The following RDH13 variants were observed in gnomAD, a reference collection of about 807,000 sequenced individuals.
RDH13 encodes the protein retinol dehydrogenase 13 (all-trans and 9-cis).
In RDH13, 35 loss-of-function variants were observed where a neutral mutation model predicts 28.3. The ratio of observed to expected loss-of-function variants is 1.24; its 90% CI spans 0.95 to 1.64. RDH13 has a LOEUF of 1.64. Among genes scored for constraint, RDH13 ranks in the 40% most tolerant of loss-of-function variants. RDH13 has a pLI of 0.00. For synonymous variants in RDH13, 229 were observed against 198.5 expected, an observed-to-expected ratio of 1.15 and a Z score of -1.29; for missense variants, 514 against 446.3, an observed-to-expected ratio of 1.15 and a Z score of -1.37.
chr19:55,051,833 A>AACGATCCTCC (rs2075449357), intron 3 of RDH13, among the ~76,000 whole-genome samples: 1 of 151,830 alleles, frequency 6.6e-6, no homozygotes, highest in African/African-American at 2.4e-5. Context: ...CCAGGGCTCA[A>AACGATCCTCC]ACGATCCTCC....
intron 1 of RDH13, among the ~76,000 whole-genome samples, chr19:55,061,173 G>C (rs938012067): frequency 2.0e-5 from 3 of 152,034 alleles, no homozygotes; most frequent in Non-Finnish European, 4.4e-5. Flanking sequence ...TGTCGCCCAG[G>C]CTGGAGTGCA....
chr19:55,051,311 G>A (rs1474484157), intron 3 of RDH13, among the ~76,000 whole-genome samples: 1 of 152,230 alleles, frequency 6.6e-6, no homozygotes, highest in Non-Finnish European at 1.5e-5. Context: ...CCCAGGGAAG[G>A]GGGATGCAGG....
intron 1 of RDH13, among the ~76,000 whole-genome samples, chr19:55,060,789 G>C (rs140826385): frequency 4.1e-4 from 62 of 152,242 alleles, no homozygotes; most frequent in African/African-American, 1.4e-3. Flanking sequence ...AGTCGAAATG[G>C]TGCCAGCCTG....
intron 5 of RDH13, chr19:55,048,043 C>CA: frequency 6.8e-7 from 1 of 1,460,520 alleles, no homozygotes; most frequent in Non-Finnish European, 9.1e-7. Flanking sequence ...GGTTGAGACT[C>CA]ACTGGCTGGA....
intron 3 of RDH13, among the ~76,000 whole-genome samples, chr19:55,051,659 ACCTCG>A (rs1256655623): frequency 3.4e-5 from 5 of 148,360 alleles, no homozygotes; most frequent in Non-Finnish European, 6.0e-5. Flanking sequence ...TGAATTCTTC[ACCTCG>A]TGATCCACCC....
Position 55,048,328 on chromosome 19 carries a change from C to T in RDH13, c.658+1G>A, listed in dbSNP as rs767276772. 3.1e-6 allele frequency: 5 copies of T among 1,613,970 alleles called. No individual in the cohort carries two copies. Among genetic ancestry groups the T allele is most frequent in the Non-Finnish European group, 3.4e-6 (4 of 1,180,036 alleles). On this transcript the variant is annotated splice_donor_variant, in intron 5 of 6. Transcript: ENST00000415061. LOFTEE classifies it high-confidence loss of function. ...GGAGGCCGAGCCTAGCGCCCCCGTA[C>T]CTTGCAGCCGCCGGCTCAGCTCCTT...
chr19:55,052,945 A>AGCCATCAC (rs143100180), intron 3 of RDH13, among the ~76,000 whole-genome samples: 1 of 151,116 alleles, frequency 6.6e-6, no homozygotes. Context: ...TACAGGCGTG[A>AGCCATCAC]GCCTGCACGC....
intron 3 of RDH13, among the ~76,000 whole-genome samples, chr19:55,049,942 CCTCTTCCCTTT>C (rs1355665524): frequency 2.2e-5 from 1 of 45,758 alleles, no homozygotes; most frequent in Non-Finnish European, 5.6e-5. Flanking sequence ...CTCTTCCCTT[CCTCTTCCCTTT>C]GGAGCTGTCT....
chr19:55,053,156 C>T (rs922670805), intron 3 of RDH13, among the ~76,000 whole-genome samples: 2 of 151,068 alleles, frequency 1.3e-5, no homozygotes, highest in Admixed American at 6.6e-5. Flanking sequence ...CTTCCCAAAA[C>T]TTCTGTCTCC....
At chr19:55,061,018 G>A (rs2147070470) in intron 1 of RDH13, among the ~76,000 whole-genome samples, 1 of 152,172 alleles carries the variant, frequency 6.6e-6, no homozygotes, top group East Asian at 1.9e-4. Flanking sequence ...GGAGGCTCTA[G>A]GGAAGAATCC....
intron 3 of RDH13, among the ~76,000 whole-genome samples, chr19:55,054,115 T>TGGCACA (rs887192170): frequency 6.6e-6 from 1 of 152,054 alleles, no homozygotes; most frequent in Admixed American, 6.6e-5. Context: ...GGGCTGTGAG[T>TGGCACA]GGCACAAGGA....
At position 55,045,250 on chromosome 19, in the gene RDH13, G is replaced by A. The variant is rs766143971; in HGVS notation, c.820C>T (p.Leu274=). 8.7e-6 allele frequency: 14 copies of A among 1,613,244 alleles called. No individual in the cohort carries two copies. Among genetic ancestry groups the A allele is most frequent in the Non-Finnish European group, 1.1e-5 (13 of 1,180,040 alleles). The change falls in exon 7 of 7, where the codon CTG becomes TTG. Residue 274 remains leucine (L), a synonymous_variant. Transcript: ENST00000415061. ...TCCGCCAGTTCCTCCGCCACGGCCA[G>A]GTATGTGCTGGGCTGGGCGGCCAGC... ...PELAAQPSTY[L]AVAEELADVS...
At chr19:55,047,994 GT>G (rs2075293903) in intron 5 of RDH13, 1 of 1,291,458 alleles carries the variant, frequency 7.7e-7, no homozygotes, top group Admixed American at 2.7e-5. Context: ...TGATCACTGT[GT>G]TTCCAGGCAT....
chr19:55,064,770 A>ATG (rs2075921681), upstream of RDH13, among the ~76,000 whole-genome samples: 5 of 85,884 alleles, frequency 5.8e-5, no homozygotes, highest in African/African-American at 2.6e-4. Context: ...GTGTCACCAC[A>ATG]CCCGGCTAAT....
intron 3 of RDH13, 25 bp from the exon 4 acceptor site, chr19:55,048,788 G>C: frequency 6.3e-7 from 1 of 1,593,112 alleles, no homozygotes; most frequent in Middle Eastern, 1.7e-4. Context: ...TGGAGGAGGA[G>C]ACATCCCGGT....
At chr19:55,059,009 T>G (rs2075725872) in intron 2 of RDH13, 148 bp downstream of exon 2, 1 of 628,144 alleles carries the variant, frequency 1.6e-6, no homozygotes, top group South Asian at 1.9e-5. Flanking sequence ...CTGAATCATA[T>G]GCCCCTGTCT....
intron 5 of RDH13, chr19:55,048,068 CT>C (rs2075296156): frequency 6.7e-7 from 1 of 1,483,652 alleles, no homozygotes. Context: ...AAAGGCTGAG[CT>C]GCCTGCCCAA....
At chr19:55,039,663 A>G (rs2074966066), downstream of RDH13, 1 of 151,676 alleles carries the variant, frequency 6.6e-6, no homozygotes, top group African/African-American at 2.4e-5. Context: ...GCAACACAGT[A>G]AAACCCCCAA....
At chr19:55,047,311 A>AG (rs2075268154) in intron 6 of RDH13, 76 bp downstream of exon 6, 1 of 1,553,050 alleles carries the variant, frequency 6.4e-7, no homozygotes, top group African/African-American at 1.4e-5. Flanking sequence ...TCTCTGAGGG[A>AG]GGGTCCTGGG....
Sources: gnomAD v4.1 joint callset for allele counts (sites outside exome capture counted in the v4.1 genomes callset) on GRCh38, gnomAD v4.1.1 for gene constraint, MANE v1.5 for transcripts, NCBI Gene and HGNC (gene_info 2026-07-23, HGNC 2026-07-21) for gene names.